CCNB1: variants seen among roughly 807,000 people sequenced by gnomAD.
CCNB1 encodes the protein cyclin B1.
Under a neutral mutation model 44.4 loss-of-function variants are expected in CCNB1, and 26 were observed. That is an observed-to-expected ratio of 0.59 (90% confidence interval 0.43 to 0.81). CCNB1 has a LOEUF of 0.81. Among genes scored for constraint, CCNB1 ranks in the 40% least tolerant of loss-of-function variants. The pLI is 0.00. For missense variants in CCNB1, 477 were observed against 520.9 expected (o/e 0.92, Z 0.82); for synonymous variants, 195 against 181.4 (o/e 1.08, Z -0.60).
chr5:69,170,651 CTGT>C (rs1250133984), intron 3 of CCNB1, among the ~76,000 whole-genome samples: 1 of 151,672 alleles, frequency 6.6e-6, no homozygotes, highest in East Asian at 1.9e-4. Context: ...TGGCATTTCA[CTGT>C]TTTTTTTTTT....
intron 6 of CCNB1, 67 bp from the exon 7 acceptor site, chr5:69,175,330 G>C: frequency 6.9e-7 from 1 of 1,452,184 alleles, no homozygotes; most frequent in Non-Finnish European, 9.5e-7. Context: ...AGATACATAT[G>C]GGCATGCAGG....
chr5:69,167,405 G>A, intron 1 of CCNB1, 122 bp downstream of exon 1: 1 of 1,129,696 alleles, frequency 8.9e-7, no homozygotes, highest in Non-Finnish European at 1.3e-6. Context: ...GAGGAAGGTG[G>A]GAGGGGACTC....
At position 69,167,278 on chromosome 5, in the gene CCNB1, AC is replaced by A; in HGVS notation, c.18del (p.Arg7GlyfsTer33). On this transcript the variant is annotated frameshift_variant, in exon 1 of 9. Coordinates refer to ENST00000256442, the MANE Select transcript of CCNB1 (RefSeq NM_031966.4). LOFTEE classifies it high-confidence loss of function. MALRV[T>X]RNSKINAENK... Reference sequence around the variant, plus strand: ...AGAGGAAGCCATGGCGCTCCGAGTCACCAGGGTGAGCCGCTTCGGACTGCGA... The same window carrying A: ...AGAGGAAGCCATGGCGCTCCGAGTCACAGGGTGAGCCGCTTCGGACTGCGA... The A allele has an allele frequency of 6.3e-7, 1 of 1,584,270 alleles. No homozygotes were observed. Among genetic ancestry groups the A allele is most frequent in the East Asian group, 2.3e-5 (1 of 43,312 alleles).
chr5:69,169,304 G>A (rs1449496485), intron 3 of CCNB1, among the ~76,000 whole-genome samples: 7 of 152,136 alleles, frequency 4.6e-5, no homozygotes, highest in Admixed American at 3.9e-4. Flanking sequence ...TGATCCGCCC[G>A]CCTCGGCCTC....
chr5:69,170,154 T>C (rs1204297071), intron 3 of CCNB1, among the ~76,000 whole-genome samples: 2 of 151,580 alleles, frequency 1.3e-5, no homozygotes, highest in East Asian at 3.9e-4. Flanking sequence ...TTTTTATTTT[T>C]TTATTTTTAG....
At chr5:69,174,756 T>G (rs532868121) in intron 5 of CCNB1, 121 bp from the exon 6 acceptor site, 1 of 758,044 alleles carries the variant, frequency 1.3e-6, no homozygotes, top group South Asian at 1.7e-5. Context: ...AAAATCTTTC[T>G]TGGGGGATAT....
intron 1 of CCNB1, among the ~76,000 whole-genome samples, 181 bp from the exon 2 acceptor site, chr5:69,167,726 GA>G (rs1172058399): frequency 2.6e-5 from 4 of 152,142 alleles, no homozygotes; most frequent in African/African-American, 9.7e-5. Context: ...GGTAAATGTA[GA>G]GGTCGGCGGA....
chr5:69,168,116 C>A, intron 2 of CCNB1, 38 bp downstream of exon 2: 1 of 1,610,984 alleles, frequency 6.2e-7, no homozygotes, highest in Non-Finnish European at 8.5e-7. Flanking sequence ...TAAGAGCCCG[C>A]CTTCCAACTG....
Position 69,177,768 on chromosome 5 carries a change from G to A in CCNB1, c.*137G>A. The A allele has an allele frequency of 1.7e-6, 1 of 600,038 alleles. No homozygotes were observed. The highest frequency in any genetic ancestry group is 3.0e-6 in the Non-Finnish European group (1 of 334,524). The allele number at this position is 600,038 out of a possible 1,614,324, so 37.2% of individuals were successfully genotyped here. A position where few individuals can be genotyped will look rare whatever the true frequency, so the allele number is the denominator to read the frequency against. ...TTTTTATAGCTTAACTAATTTGAAT[G>A]TGGTTACTTCCTACTGTAGGGTAGC... On this transcript the variant is annotated 3_prime_UTR_variant, in exon 9 of 9. Coordinates refer to ENST00000256442, the MANE Select transcript of CCNB1 (RefSeq NM_031966.4).
chr5:69,172,351 G>A (rs544620938), intron 4 of CCNB1, among the ~76,000 whole-genome samples: 9 of 151,986 alleles, frequency 5.9e-5, no homozygotes, highest in Non-Finnish European at 1.3e-4. Context: ...CCTCCGCCTC[G>A]GGTCAAGTGA....
rs997641148 is a variant in CCNB1, at chr5:69,167,162, C to A, written c.-101C>A. The A allele has an allele frequency of 9.3e-6, 9 of 971,056 alleles. No homozygotes were observed. The highest frequency in any genetic ancestry group is 1.4e-5 in the Non-Finnish European group (9 of 661,946). The allele number at this position is 971,056 out of a possible 1,614,324, so 60.2% of individuals were successfully genotyped here. On this transcript the variant is annotated 5_prime_UTR_variant, in exon 1 of 9. Coordinates refer to ENST00000256442, the MANE Select transcript of CCNB1 (RefSeq NM_031966.4). ...GCTGGCTCTTCTCGGCGTGCTGCGG[C>A]GGAACGGCTGTTGGTTTCTGCTGGG...
chr5:69,168,451 G>C lies in CCNB1; in HGVS notation c.363+108G>C, dbSNP rs1164957034. ...AATAGTAATATTAATACCATTTATT[G>C]AGTGCTTAGCATGAGGCAAGCTCTG... On this transcript the variant is annotated intron_variant, in intron 3 of 8. Coordinates refer to ENST00000256442, the MANE Select transcript of CCNB1 (RefSeq NM_031966.4). The C allele has an allele frequency of 4.5e-6, 6 of 1,332,570 alleles. No homozygotes were observed. In the African/African-American group the frequency reaches 8.7e-5, roughly 19 times the overall value. The allele number at this position is 1,332,570 out of a possible 1,614,324, so 82.5% of individuals were successfully genotyped here.
intron 5 of CCNB1, among the ~76,000 whole-genome samples, 168 bp from the exon 6 acceptor site, chr5:69,174,709 A>G (rs1178623408): frequency 6.7e-6 from 1 of 149,248 alleles, no homozygotes; most frequent in African/African-American, 2.5e-5. Context: ...AGCGAGACTC[A>G]AAAAAAAAAG....
intron 3 of CCNB1, 59 bp from the exon 4 acceptor site, chr5:69,171,211 A>C (rs1221626850): frequency 1.5e-6 from 2 of 1,345,754 alleles, no homozygotes; most frequent in Non-Finnish European, 2.1e-6. Flanking sequence ...CCTGAACTTC[A>C]TGCCCAAACT....
Position 69,177,319 on chromosome 5 carries a change from C to A in CCNB1, c.1164C>A (p.Val388=). The A allele has an allele frequency of 6.2e-7, 1 of 1,611,094 alleles. No homozygotes were observed. The highest frequency in any genetic ancestry group is 8.5e-7 in the Non-Finnish European group (1 of 1,177,290). The change falls in exon 8 of 9, where the codon GTC becomes GTA. Residue 388 remains valine (V), a synonymous_variant. Transcript: ENST00000256442. ...PVMQHLAKNV[V]MVNQGLTKHM... ...TGCAGCACCTGGCTAAGAATGTAGT[C>A]ATGGTAAATCAAGGACTTACAAAGC...
At chr5:69,174,729 A>T in intron 5 of CCNB1, 148 bp from the exon 6 acceptor site, 1 of 748,028 alleles carries the variant, frequency 1.3e-6, no homozygotes, top group Non-Finnish European at 2.2e-6. Flanking sequence ...GAAAGAAATA[A>T]ACTGACTTTT....
rs1301134433 is a variant in CCNB1, at chr5:69,174,377, A to G, written c.673A>G (p.Met225Val). 4.3e-6 allele frequency: 7 copies of G among 1,614,038 alleles called. No individual in the cohort carries two copies. Among genetic ancestry groups the G allele is most frequent in the South Asian group, 2.2e-5 (2 of 91,090 alleles). ...KFRLLQETMY[M>V]TVSIIDRFMQ... The stretch of plus-strand genomic sequence containing the variant: ...CAGGTTGTTGCAGGAGACCATGTAC[A>G]TGACTGTCTCCATTATTGATCGGTT... The change falls in exon 5 of 9, where the codon ATG (methionine) becomes GTG (valine). Residue 225 changes from methionine to valine, a missense_variant. Coordinates refer to ENST00000256442, the MANE Select transcript of CCNB1 (RefSeq NM_031966.4).
intron 3 of CCNB1, among the ~76,000 whole-genome samples, chr5:69,170,210 T>A (rs112457738): frequency 0.16 from 25,043 of 151,806 alleles, 2,342 homozygotes; most frequent in African/African-American, 0.25. Context: ...CTCGAACTCC[T>A]GACCTCGTGA....
Position 69,167,221 on chromosome 5 carries a change from C to T in CCNB1, c.-42C>T, listed in dbSNP as rs756621769. 1 of 1,529,546 alleles carries T rather than the reference C, an allele frequency of 6.5e-7. No homozygotes were observed. Among genetic ancestry groups the T allele is most frequent in the Non-Finnish European group, 8.8e-7 (1 of 1,136,610 alleles). The allele number at this position is 1,529,546 out of a possible 1,614,324, so 94.7% of individuals were successfully genotyped here. A position where few individuals can be genotyped will look rare whatever the true frequency, so the allele number is the denominator to read the frequency against. On this transcript the variant is annotated 5_prime_UTR_variant, in exon 1 of 9. Coordinates refer to ENST00000256442, the MANE Select transcript of CCNB1 (RefSeq NM_031966.4). ...CTTGGCTGGTCGGGCCTCCGGTGTT[C>T]TGCTTCTCCCCGCTGAGCTGCTGCC...
Sources: gnomAD v4.1 joint callset for allele counts (sites outside exome capture counted in the v4.1 genomes callset) on GRCh38, gnomAD v4.1.1 for gene constraint, MANE v1.5 for transcripts, NCBI Gene and HGNC (gene_info 2026-07-23, HGNC 2026-07-21) for gene names.